NCMAP: variants seen among roughly 807,000 people sequenced by gnomAD.
NCMAP encodes non-compact myelin associated protein.
NCMAP carries 8 observed loss-of-function variants against 7.8 expected under a neutral mutation model. The observed-to-expected ratio is 1.02, with a 90% CI of 0.60 to 1.84. The LOEUF (loss-of-function observed/expected upper bound fraction) is 1.84, where lower values mean the gene tolerates loss of function less well. Ranked by LOEUF, NCMAP falls within the 40% of genes most tolerant of loss-of-function variation. NCMAP has a pLI of 0.00. For synonymous variants in NCMAP, 41 were observed against 52.9 expected (o/e 0.78, Z 0.98); for missense variants, 112 against 131.4 (o/e 0.85, Z 0.72).
chr1:24,560,282 G>A (rs996990563), intron 1 of NCMAP, among the ~76,000 whole-genome samples: 5 of 151,880 alleles, frequency 3.3e-5, no homozygotes, highest in African/African-American at 4.8e-5. Flanking sequence ...CAATTCACTC[G>A]TCATTGGTTC....
At chr1:24,570,498 A>C (rs1193074786) in intron 1 of NCMAP, among the ~76,000 whole-genome samples, 1 of 150,778 alleles carries the variant, frequency 6.6e-6, no homozygotes, top group Non-Finnish European at 1.5e-5. Context: ...TCACTCAAAA[A>C]CTAAATACAT....
intron 1 of NCMAP, among the ~76,000 whole-genome samples, chr1:24,582,599 C>T (rs562310158): frequency 6.6e-6 from 1 of 152,098 alleles, no homozygotes; most frequent in African/African-American, 2.4e-5. Flanking sequence ...GAAGAAACCA[C>T]GAGCCAAGGA....
chr1:24,575,111 G>A (rs1651511869), intron 1 of NCMAP, among the ~76,000 whole-genome samples: 1 of 151,852 alleles, frequency 6.6e-6, no homozygotes, highest in Admixed American at 6.6e-5. Flanking sequence ...TACTTTTAAG[G>A]GCCCATTAAG....
At chr1:24,588,902 C>T (rs139948237) in intron 1 of NCMAP, among the ~76,000 whole-genome samples, 16 of 152,284 alleles carry the variant, frequency 1.1e-4, no homozygotes, top group Non-Finnish European at 2.1e-4. Flanking sequence ...CAAAGCCCCA[C>T]ATTGATTTGG....
At chr1:24,605,582 C>A in intron 3 of NCMAP, 24 bp from the exon 4 acceptor site, 1 of 1,613,018 alleles carries the variant, frequency 6.2e-7, no homozygotes, top group Non-Finnish European at 8.5e-7. Context: ...AAGACTCAAC[C>A]ATGTGCACAT....
intron 1 of NCMAP, among the ~76,000 whole-genome samples, chr1:24,586,977 T>A (rs145718278): frequency 5.8e-4 from 89 of 152,300 alleles, no homozygotes; most frequent in African/African-American, 2.1e-3. Context: ...ACATGCTTCA[T>A]CTCATTTAAT....
intron 1 of NCMAP, among the ~76,000 whole-genome samples, chr1:24,592,351 T>C (rs976761656): frequency 2.6e-5 from 4 of 152,196 alleles, no homozygotes; most frequent in Non-Finnish European, 5.9e-5. Context: ...GTTCGTCTAG[T>C]ATTCCCTGTG....
rs373926438 is a variant in NCMAP, at chr1:24,605,654, C to T, written c.216C>T (p.Thr72=). Residue 72 remains threonine, a synonymous_variant, in exon 4 of 4, where the codon ACC becomes ACT. Transcript: ENST00000374392. ...TAGAGCCCAAGGGCCCCAAGCCAAC[C>T]GCCCCTTCTGCCGTGGGCCCAAACA... ...RELEPKGPKP[T]APSAVGPNSN... is the part of the protein sequence containing the mutation. 51 of 1,614,204 alleles carry T rather than the reference C, an allele frequency of 3.2e-5. No homozygotes were observed. The highest frequency in any genetic ancestry group is 9.9e-5 in the South Asian group (9 of 91,088).
intron 1 of NCMAP, among the ~76,000 whole-genome samples, chr1:24,580,073 C>T (rs1363612383): frequency 3.3e-5 from 5 of 152,190 alleles, no homozygotes; most frequent in Non-Finnish European, 5.9e-5. Flanking sequence ...AGCGCCAGAG[C>T]TGCCGGTGCT....
At chr1:24,584,675 G>A (rs1651828260) in intron 1 of NCMAP, among the ~76,000 whole-genome samples, 1 of 152,018 alleles carries the variant, frequency 6.6e-6, no homozygotes, top group Non-Finnish European at 1.5e-5. Flanking sequence ...TAGGCATGGG[G>A]TGGGCGGTGG....
rs149272147 is a variant in NCMAP, at chr1:24,583,840, T to A, written c.-7-11584T>A. 5.7e-4 allele frequency among the ~76,000 whole-genome samples: 86 copies of A among 152,044 alleles called. No individual in the cohort carries two copies. The East Asian group carries it at 0.016, about 29-fold the overall frequency. ...CGGGGACCAGGATTGCCGAGGACGG[T>A]TTGGAGTAGGAGATCTGAGTTTGAG... On this transcript the variant is annotated intron_variant, in intron 1 of 3. Coordinates refer to ENST00000374392, the MANE Select transcript of NCMAP (RefSeq NM_001010980.5).
At chr1:24,597,206 C>A (rs1376208268) in intron 2 of NCMAP, among the ~76,000 whole-genome samples, 2 of 151,876 alleles carry the variant, frequency 1.3e-5, no homozygotes, top group Non-Finnish European at 2.9e-5. Context: ...TTTTCTTGAA[C>A]TGAAAGTAGT....
rs57635882 is a variant in NCMAP, at chr1:24,581,029, C to T, written c.-7-14395C>T. On this transcript the variant is annotated intron_variant, in intron 1 of 3. Transcript: ENST00000374392. The stretch of plus-strand genomic sequence containing the variant: ...AGTTGACGCCTCTTGATTCTTGATT[C>T]CTTCACTGTCATGTGCCAGGGGGTT... Among the ~76,000 whole-genome samples, 801 of 151,892 alleles carry T rather than the reference C, an allele frequency of 5.3e-3. 8 individuals are homozygous for T. The highest frequency in any genetic ancestry group is 0.018 in the African/African-American group (764 of 41,416).
intron 3 of NCMAP, among the ~76,000 whole-genome samples, chr1:24,604,253 A>G (rs1397716511): frequency 6.6e-6 from 1 of 151,988 alleles, no homozygotes; most frequent in Non-Finnish European, 1.5e-5. Context: ...TATTTGTGCA[A>G]CTTCCCTGAA....
At chr1:24,600,010 T>G (rs1438060062) in intron 2 of NCMAP, among the ~76,000 whole-genome samples, 1 of 152,162 alleles carries the variant, frequency 6.6e-6, no homozygotes, top group Non-Finnish European at 1.5e-5. Flanking sequence ...TTTTTTTAAT[T>G]TTTTATACAG....
chr1:24,559,171 C>T (rs1479940831), intron 1 of NCMAP, among the ~76,000 whole-genome samples: 1 of 152,150 alleles, frequency 6.6e-6, no homozygotes, highest in East Asian at 1.9e-4. Flanking sequence ...CTGAAGTCAG[C>T]CCGGAAGCAG....
Position 24,603,231 on chromosome 1 carries a change from A to G in NCMAP, c.167+2207A>G, listed in dbSNP as rs74062027. ...CTCAATTTTGTAGGTATAGAAACAG[A>G]TACAGAAAGACTAAATCATATGCCC... is the stretch of plus-strand genomic sequence containing the variant. On this transcript the variant is annotated intron_variant, in intron 3 of 3. Coordinates refer to ENST00000374392, the MANE Select transcript of NCMAP (RefSeq NM_001010980.5). 9.1e-3 allele frequency among the ~76,000 whole-genome samples: 1,387 copies of G among 152,226 alleles called. 15 individuals are homozygous for G. Among genetic ancestry groups the G allele is most frequent in the African/African-American group, 0.031 (1,288 of 41,530 alleles).
At chr1:24,597,613 G>GAA (rs1652283509) in intron 2 of NCMAP, among the ~76,000 whole-genome samples, 7 of 81,144 alleles carry the variant, frequency 8.6e-5, no homozygotes, top group African/African-American at 3.9e-4. Flanking sequence ...AAGAAAGAAA[G>GAA]AAAGAGAAAG....
chr1:24,558,019 C>A (rs1650955800), intron 1 of NCMAP, among the ~76,000 whole-genome samples: 1 of 152,164 alleles, frequency 6.6e-6, no homozygotes, highest in Non-Finnish European at 1.5e-5. Flanking sequence ...TGAGGTAGAG[C>A]CACTCTAAGC....
Sources: gnomAD v4.1 joint callset for allele counts (sites outside exome capture counted in the v4.1 genomes callset) on GRCh38, gnomAD v4.1.1 for gene constraint, MANE v1.5 for transcripts, NCBI Gene and HGNC (gene_info 2026-07-23, HGNC 2026-07-21) for gene names.